Variants in ARHGAP12 observed in about 807,000 individuals in gnomAD.
The protein encoded by ARHGAP12 is rho GTPase-activating protein 12.
In ARHGAP12, 64 loss-of-function variants were observed where a neutral mutation model predicts 108.6. The observed-to-expected ratio is 0.59, with a 90% CI of 0.48 to 0.73. The LOEUF is 0.73. Among genes scored for constraint, ARHGAP12 ranks in the 30% least tolerant of loss-of-function variants. ARHGAP12 has a pLI of 0.00. For synonymous variants in ARHGAP12, 312 were observed against 337.2 expected (o/e 0.93, Z 0.82); for missense variants, 940 against 1,005.9 (o/e 0.93, Z 0.89).
intron 3 of ARHGAP12, among the ~76,000 whole-genome samples, chr10:31,891,394 T>A (rs891646588): frequency 6.6e-6 from 1 of 152,262 alleles, no homozygotes; most frequent in African/African-American, 2.4e-5. Flanking sequence ...TCTTTAAGAA[T>A]GTTGAATATT....
rs12259874 is a variant in ARHGAP12, at chr10:31,822,996, G to T, written c.1531-2508C>A. 3.9e-3 allele frequency among the ~76,000 whole-genome samples: 599 copies of T among 152,128 alleles called. 8 individuals are homozygous for T. The highest frequency in any genetic ancestry group is 0.014 in the African/African-American group (571 of 41,514). ...TAGAAATTTGAAAGCATGTACAAAT[G>T]AATGTTTGAATAACTACCAATATTT... On this transcript the variant is annotated intron_variant, in intron 11 of 19. Transcript: ENST00000344936.
intron 3 of ARHGAP12, among the ~76,000 whole-genome samples, chr10:31,878,821 G>T (rs1002840695): frequency 3.3e-5 from 5 of 152,166 alleles, no homozygotes; most frequent in African/African-American, 1.2e-4. Context: ...TGTTTGCCAA[G>T]CCCTGTGAAA....
At position 31,837,952 on chromosome 10, in the gene ARHGAP12, CTCTG is replaced by C. The variant is rs542761859; in HGVS notation, c.1386+1349_1386+1352del. On this transcript the variant is annotated intron_variant, in intron 9 of 19. Coordinates refer to ENST00000344936, the MANE Select transcript of ARHGAP12 (RefSeq NM_018287.7). Reference sequence around the variant, plus strand: ...CTGTTCCTGCTCTAATGAAGCTTTACTCTGTCTGGTGGGGAAGACAGACATTAAT... The same window carrying C: ...CTGTTCCTGCTCTAATGAAGCTTTACTCTGGTGGGGAAGACAGACATTAAT... Among the ~76,000 whole-genome samples, 529 of 152,224 alleles carry C rather than the reference CTCTG, an allele frequency of 3.5e-3. 2 individuals are homozygous for C. Among genetic ancestry groups the C allele is most frequent in the African/African-American group, 0.012 (516 of 41,544 alleles).
chr10:31,897,603 G>A (rs886934439), intron 3 of ARHGAP12, among the ~76,000 whole-genome samples: 15 of 152,112 alleles, frequency 9.9e-5, no homozygotes, highest in African/African-American at 3.6e-4. Context: ...AGAATTTAAA[G>A]CCTCTGGTAC....
intron 1 of ARHGAP12, among the ~76,000 whole-genome samples, chr10:31,914,385 C>T (rs891837457): frequency 2.0e-5 from 3 of 151,602 alleles, no homozygotes; most frequent in East Asian, 3.9e-4. Flanking sequence ...CTCTGCATGT[C>T]GCTATACATC....
chr10:31,815,937 G>A (rs970618196), intron 13 of ARHGAP12, among the ~76,000 whole-genome samples: 5 of 152,096 alleles, frequency 3.3e-5, no homozygotes, highest in African/African-American at 9.7e-5. Flanking sequence ...ATCACTTGAG[G>A]TGAGGAATTC....
chr10:31,884,094 TAAAA>T (rs59701767), intron 3 of ARHGAP12, among the ~76,000 whole-genome samples: 3 of 114,472 alleles, frequency 2.6e-5, no homozygotes, highest in Admixed American at 1.8e-4. Flanking sequence ...TGTTTACACC[TAAAA>T]AAAAAAAAAA....
chr10:31,839,602 G>T, intron 8 of ARHGAP12, 35 bp downstream of exon 8: 1 of 1,518,988 alleles, frequency 6.6e-7, no homozygotes, highest in South Asian at 1.2e-5. Flanking sequence ...GAAATAACTG[G>T]ACTACATTAT....
intron 6 of ARHGAP12, among the ~76,000 whole-genome samples, chr10:31,845,480 G>A (rs1592281506): frequency 6.6e-6 from 1 of 152,074 alleles, no homozygotes; most frequent in Non-Finnish European, 1.5e-5. Context: ...AGCATAATGT[G>A]TCATTGTAAG....
intron 3 of ARHGAP12, among the ~76,000 whole-genome samples, chr10:31,888,349 C>G (rs1468432321): frequency 6.6e-6 from 1 of 152,042 alleles, no homozygotes; most frequent in Non-Finnish European, 1.5e-5. Context: ...AAACATGTCC[C>G]AAGGCAAGCC....
intron 3 of ARHGAP12, among the ~76,000 whole-genome samples, chr10:31,875,058 G>A (rs1017553764): frequency 6.8e-6 from 1 of 147,824 alleles, no homozygotes; most frequent in Non-Finnish European, 1.5e-5. Context: ...CCATATGTAA[G>A]TTTCTGTCAC....
chr10:31,842,431 T>C (rs1394426829), intron 7 of ARHGAP12, among the ~76,000 whole-genome samples: 1 of 152,090 alleles, frequency 6.6e-6, no homozygotes, highest in Non-Finnish European at 1.5e-5. Flanking sequence ...GGTCTCTATA[T>C]TCAACACAAG....
intron 9 of ARHGAP12, among the ~76,000 whole-genome samples, chr10:31,833,172 C>T (rs774725021): frequency 5.9e-5 from 9 of 151,876 alleles, no homozygotes; most frequent in Non-Finnish European, 1.3e-4. Context: ...CTGCACCCCT[C>T]AAAAGCAGGG....
chr10:31,828,237 T>C (rs762543737), intron 10 of ARHGAP12, among the ~76,000 whole-genome samples: 11 of 152,126 alleles, frequency 7.2e-5, no homozygotes, highest in Non-Finnish European at 1.3e-4. Flanking sequence ...TTTCAACTTT[T>C]CTGAATCATC....
At chr10:31,902,282 G>A (rs1444876790) in intron 3 of ARHGAP12, among the ~76,000 whole-genome samples, 2 of 147,934 alleles carry the variant, frequency 1.4e-5, no homozygotes, top group Non-Finnish European at 1.5e-5. Context: ...TTGGAGGAAA[G>A]ACAGCCTTTT....
intron 6 of ARHGAP12, among the ~76,000 whole-genome samples, chr10:31,851,683 A>G (rs1836685588): frequency 6.6e-6 from 1 of 152,240 alleles, no homozygotes; most frequent in African/African-American, 2.4e-5. Context: ...CACTATTAAC[A>G]TTAGTTTACT....
chr10:31,921,408 CAA>C (rs1236760027), intron 1 of ARHGAP12, among the ~76,000 whole-genome samples: 1 of 152,134 alleles, frequency 6.6e-6, no homozygotes, highest in East Asian at 1.9e-4. Flanking sequence ...AGAAAAAACA[CAA>C]AGTCTCACAT....
At position 31,908,615 on chromosome 10, in the gene ARHGAP12, C is replaced by G. The variant is rs1369757172; in HGVS notation, c.241G>C (p.Val81Leu). The stretch of plus-strand genomic sequence containing the variant: ...TTTGGCAGACCAGCTACCTGCTTAA[C>G]AGGTGGCATGAGAGCTTTGCGCGTG... ...EVTRKALMPP[V>L]KQVAGLPNNS... Residue 81 changes from valine (V) to leucine (L), a missense_variant, in exon 3 of 20, where the codon GTT (valine) becomes CTT (leucine). Physicochemically the swap from Val to Leu is conservative, Grantham distance 32 (BLOSUM62 1). Transcript: ENST00000344936. 2 of 1,614,098 alleles carry G rather than the reference C, an allele frequency of 1.2e-6. No homozygotes were observed. Among genetic ancestry groups the G allele is most frequent in the African/African-American group, 1.3e-5 (1 of 74,944 alleles).
intron 3 of ARHGAP12, among the ~76,000 whole-genome samples, chr10:31,893,811 C>T (rs542268028): frequency 8.4e-4 from 128 of 152,260 alleles, no homozygotes; most frequent in Non-Finnish European, 1.4e-3. Context: ...GAATTGTAGA[C>T]CAATATCCCT....
Sources: allele counts gnomAD v4.1 joint callset (sites outside exome capture counted in the v4.1 genomes callset), GRCh38; gene constraint gnomAD v4.1.1; transcripts MANE v1.5; gene names NCBI Gene and HGNC (gene_info 2026-07-23, HGNC 2026-07-21).